Variants in GLCCI1 observed in about 807,000 individuals in gnomAD.
The protein encoded by GLCCI1 is glucocorticoid induced 1, also known as glucocorticoid-induced transcript 1 protein.
Under a neutral mutation model 52.2 loss-of-function variants are expected in GLCCI1, and 24 were observed. That is an observed-to-expected ratio of 0.46 (90% CI 0.33 to 0.65). The LOEUF is 0.65. GLCCI1 is among the 30% of genes least tolerant of loss of function. The pLI is 0.02. For synonymous variants in GLCCI1, 310 were observed against 276.5 expected, an observed-to-expected ratio of 1.12 and a Z score of -1.20; for missense variants, 704 against 701.5, an observed-to-expected ratio of 1.00 and a Z score of -0.04.
chr7:8,022,399 A>G, intron 2 of GLCCI1, 84 bp from the exon 3 acceptor site: 1 of 730,566 alleles, frequency 1.4e-6, no homozygotes, highest in Admixed American at 3.7e-5. Context: ...GTAAGTGCTA[A>G]GAATTTTAAA....
At chr7:8,045,033 A>G (rs1163088818) in intron 3 of GLCCI1, among the ~76,000 whole-genome samples, 1 of 152,252 alleles carries the variant, frequency 6.6e-6, no homozygotes, top group Admixed American at 6.5e-5. Flanking sequence ...ACAAGAATTA[A>G]GTCCTTATGG....
chr7:7,985,110 C>T (rs998082054), intron 1 of GLCCI1, among the ~76,000 whole-genome samples: 1 of 152,172 alleles, frequency 6.6e-6, no homozygotes, highest in Admixed American at 6.5e-5. Flanking sequence ...CATAATTAGA[C>T]TACAAATATG....
chr7:8,079,699 G>C (rs1232510684), intron 6 of GLCCI1, among the ~76,000 whole-genome samples: 1 of 151,286 alleles, frequency 6.6e-6, no homozygotes, highest in African/African-American at 2.5e-5. Flanking sequence ...TTGTAAGTTG[G>C]CATCAATTTA....
chr7:7,973,417 T>C (rs200435555), intron 1 of GLCCI1, among the ~76,000 whole-genome samples: 6 of 143,454 alleles, frequency 4.2e-5, no homozygotes, highest in African/African-American at 1.6e-4. Flanking sequence ...TGTGTGCGTG[T>C]GTGTGTGTGT....
At chr7:7,975,800 T>C (rs77576641) in intron 1 of GLCCI1, among the ~76,000 whole-genome samples, 2,381 of 151,132 alleles carry the variant, frequency 0.016, 51 homozygotes, top group East Asian at 0.081. Flanking sequence ...GAGAAATCCT[T>C]GTTTCTGAGA....
chr7:7,971,188 T>G (rs1399532595), intron 1 of GLCCI1, among the ~76,000 whole-genome samples: 2 of 152,088 alleles, frequency 1.3e-5, no homozygotes, highest in African/African-American at 4.8e-5. Flanking sequence ...GCTCCTGCAC[T>G]CCTCCCCCAG....
intron 2 of GLCCI1, among the ~76,000 whole-genome samples, chr7:8,009,654 C>T (rs1781224137): frequency 6.6e-6 from 1 of 152,164 alleles, no homozygotes; most frequent in Admixed American, 6.5e-5. Context: ...GGGTCACTGA[C>T]AGTGACAAGC....
chr7:7,979,293 G>A (rs549187642), intron 1 of GLCCI1, among the ~76,000 whole-genome samples: 16 of 152,110 alleles, frequency 1.1e-4, no homozygotes, highest in Non-Finnish European at 2.2e-4. Flanking sequence ...AACGCATTCA[G>A]GGAATTGCAT....
intron 3 of GLCCI1, 61 bp from the exon 4 acceptor site, chr7:8,055,372 A>C: frequency 1.0e-6 from 1 of 979,014 alleles, no homozygotes; most frequent in South Asian, 1.5e-5. Context: ...TGAAGAAATA[A>C]ATATAAAAAT....
At chr7:8,004,151 A>T (rs1377541684) in intron 2 of GLCCI1, 92 bp downstream of exon 2, 1 of 1,166,982 alleles carries the variant, frequency 8.6e-7, no homozygotes, top group Admixed American at 2.3e-5. Flanking sequence ...AATTTCCCCA[A>T]ATTTGAAATA....
intron 3 of GLCCI1, among the ~76,000 whole-genome samples, chr7:8,052,667 T>C (rs948754439): frequency 1.8e-4 from 27 of 152,202 alleles, no homozygotes; most frequent in African/African-American, 5.8e-4. Context: ...GAAATAAGAA[T>C]TACTTCACTT....
At chr7:8,082,960 G>A (rs954369708) in intron 6 of GLCCI1, among the ~76,000 whole-genome samples, 1 of 152,134 alleles carries the variant, frequency 6.6e-6, no homozygotes, top group African/African-American at 2.4e-5. Flanking sequence ...CTTTTCTTAC[G>A]TGATAATAGA....
intron 1 of GLCCI1, among the ~76,000 whole-genome samples, chr7:7,995,970 A>G (rs1296777464): frequency 6.6e-6 from 1 of 152,240 alleles, no homozygotes; most frequent in Non-Finnish European, 1.5e-5. Flanking sequence ...CCTATTTTAT[A>G]ACCTTTGTTG....
rs1783138167 is a variant in GLCCI1 at position 8,087,356 on chromosome 7, C to CT, written c.*824dup. 6.6e-6 allele frequency: 1 copy of CT among 152,600 alleles called. No individual in the cohort carries two copies. The highest frequency in any genetic ancestry group is 2.1e-4 in the South Asian group (1 of 4,828). 9.5% of individuals were successfully genotyped at this position (152,600 alleles called of 1,614,324 possible). On this transcript the variant is annotated 3_prime_UTR_variant, in exon 8 of 8. Transcript: ENST00000223145. Reference sequence around the variant, plus strand: ...ACTGTTTCAACATGTGTACATGTGGCTTTTTTAAAAGTTCAGGTGTTGCTC... The same window carrying CT: ...ACTGTTTCAACATGTGTACATGTGGCTTTTTTTAAAAGTTCAGGTGTTGCTC...
intron 5 of GLCCI1, among the ~76,000 whole-genome samples, chr7:8,064,442 C>A (rs1782586239): frequency 6.6e-6 from 1 of 152,106 alleles, no homozygotes; most frequent in Admixed American, 6.5e-5. Flanking sequence ...TGGGCTCTCT[C>A]TTCTGTTCCA....
intron 1 of GLCCI1, among the ~76,000 whole-genome samples, chr7:7,991,174 CTT>C (rs1780833098): frequency 6.6e-6 from 1 of 152,084 alleles, no homozygotes; most frequent in Non-Finnish European, 1.5e-5. Flanking sequence ...GGATTTAACT[CTT>C]CACCCTATTG....
intron 3 of GLCCI1, among the ~76,000 whole-genome samples, chr7:8,035,826 C>T (rs1489654492): frequency 2.0e-5 from 3 of 152,144 alleles, no homozygotes; most frequent in Admixed American, 1.3e-4. Flanking sequence ...GAGGCAGTTC[C>T]CTCCCCCACA....
At chr7:7,985,774 A>G (rs564122537) in intron 1 of GLCCI1, among the ~76,000 whole-genome samples, 23 of 152,240 alleles carry the variant, frequency 1.5e-4, no homozygotes, top group Non-Finnish European at 2.4e-4. Flanking sequence ...TCTGAATCAT[A>G]TAATATAGTT....
chr7:7,986,600 A>G (rs983753846), intron 1 of GLCCI1, among the ~76,000 whole-genome samples: 1 of 152,188 alleles, frequency 6.6e-6, no homozygotes, highest in African/African-American at 2.4e-5. Context: ...AAATTCAACA[A>G]ATTTTACTCT....
Sources: gnomAD v4.1 joint callset for allele counts (sites outside exome capture counted in the v4.1 genomes callset) on GRCh38, gnomAD v4.1.1 for gene constraint, MANE v1.5 for transcripts, NCBI Gene and HGNC (gene_info 2026-07-23, HGNC 2026-07-21) for gene names.